The following REC114 variants were observed in gnomAD, a reference collection of about 807,000 sequenced individuals.
The protein encoded by REC114 is meiotic recombination protein REC114.
Under a neutral mutation model 31.3 loss-of-function variants are expected in REC114, and 27 were observed. The ratio of observed to expected loss-of-function variants is 0.86; its 90% CI spans 0.64 to 1.19. REC114 has a LOEUF of 1.19. Ranked by LOEUF, REC114 falls within the 50% of genes most tolerant of loss-of-function variation. The pLI is 0.00. For synonymous variants in REC114, 134 were observed against 127.7 expected, an observed-to-expected ratio of 1.05 and a Z score of -0.33; for missense variants, 344 against 326.9, an observed-to-expected ratio of 1.05 and a Z score of -0.40.
At chr15:73,467,548 A>G (rs1250481214) in intron 1 of REC114, among the ~76,000 whole-genome samples, 2 of 152,254 alleles carry the variant, frequency 1.3e-5, no homozygotes, top group East Asian at 1.9e-4. Context: ...GTTCAAGTTC[A>G]GAGACTTTCT....
intron 2 of REC114, among the ~76,000 whole-genome samples, chr15:73,515,400 T>A (rs1396858855): frequency 6.6e-6 from 1 of 152,068 alleles, no homozygotes; most frequent in Non-Finnish European, 1.5e-5. Flanking sequence ...TTCTTACGGG[T>A]TGCTGCAGTT....
intron 2 of REC114, among the ~76,000 whole-genome samples, chr15:73,532,322 T>G (rs906588746): frequency 2.7e-5 from 4 of 147,790 alleles, no homozygotes; most frequent in African/African-American, 7.6e-5. Context: ...ACTCATCATT[T>G]TTTATGGCTG....
intron 2 of REC114, among the ~76,000 whole-genome samples, chr15:73,537,628 G>A (rs368804258): frequency 2.0e-5 from 3 of 152,194 alleles, no homozygotes; most frequent in African/African-American, 7.2e-5. Context: ...GTACAGTATT[G>A]TTAACTATAA....
intron 1 of REC114, among the ~76,000 whole-genome samples, chr15:73,443,717 A>G (rs77566315): frequency 0.017 from 2,597 of 152,254 alleles, 88 homozygotes; most frequent in African/African-American, 0.058. Flanking sequence ...AGGATATACT[A>G]TTTATCCAAA....
At chr15:73,518,241 C>G (rs2141318671) in intron 2 of REC114, among the ~76,000 whole-genome samples, 1 of 152,278 alleles carries the variant, frequency 6.6e-6, no homozygotes, top group Admixed American at 6.5e-5. Flanking sequence ...TTCTTTTAAA[C>G]AAAGTAAATA....
chr15:73,530,203 C>T (rs1010654763), intron 2 of REC114, among the ~76,000 whole-genome samples: 4 of 152,150 alleles, frequency 2.6e-5, no homozygotes, highest in African/African-American at 9.7e-5. Flanking sequence ...TCTCCAAGCA[C>T]AATATTGTAT....
At chr15:73,447,012 A>G (rs1892773792) in intron 1 of REC114, among the ~76,000 whole-genome samples, 1 of 152,166 alleles carries the variant, frequency 6.6e-6, no homozygotes, top group Non-Finnish European at 1.5e-5. Flanking sequence ...AGATAGGGAT[A>G]TTGGGAATAT....
At chr15:73,474,032 C>A in intron 2 of REC114, 111 bp downstream of exon 2, 1 of 712,540 alleles carries the variant, frequency 1.4e-6, no homozygotes, top group Non-Finnish European at 2.4e-6. Flanking sequence ...TCATCAAGGT[C>A]AACACATTAA....
chr15:73,537,441 C>A (rs538916618), intron 2 of REC114, among the ~76,000 whole-genome samples: 1 of 152,234 alleles, frequency 6.6e-6, no homozygotes, highest in South Asian at 2.1e-4. Flanking sequence ...CTTCTCAGGT[C>A]CTGCTTCTGC....
chr15:73,486,796 G>A (rs1426431827), intron 2 of REC114, among the ~76,000 whole-genome samples: 1 of 152,098 alleles, frequency 6.6e-6, no homozygotes, highest in East Asian at 1.9e-4. Context: ...CAGCACTTTG[G>A]GAGACTGAGG....
intron 2 of REC114, among the ~76,000 whole-genome samples, chr15:73,535,436 G>A (rs1291977700): frequency 2.6e-5 from 4 of 151,932 alleles, no homozygotes; most frequent in African/African-American, 9.7e-5. Context: ...TTGCTTCAAA[G>A]AGAATAAAAT....
At position 73,539,015 on chromosome 15, in the gene REC114, A is replaced by G. The variant is rs532382037; in HGVS notation, c.250-1470A>G. 2.0e-3 allele frequency among the ~76,000 whole-genome samples: 309 copies of G among 152,148 alleles called. 1 individual carries two copies. The highest frequency in any genetic ancestry group is 6.1e-3 in the African/African-American group (252 of 41,512). Reference sequence around the variant, plus strand: ...GATTGCTGGGTCCAAATGTAAATACATTTGTAATTTTGATATTGCCAAATT... The same window carrying G: ...GATTGCTGGGTCCAAATGTAAATACGTTTGTAATTTTGATATTGCCAAATT... On this transcript the variant is annotated intron_variant, in intron 2 of 5. Transcript: ENST00000331090.
At chr15:73,517,263 A>G (rs541984281) in intron 2 of REC114, among the ~76,000 whole-genome samples, 1 of 152,360 alleles carries the variant, frequency 6.6e-6, no homozygotes, top group Non-Finnish European at 1.5e-5. Flanking sequence ...AAGAATTCTA[A>G]GCAAGGGAGT....
intron 3 of REC114, among the ~76,000 whole-genome samples, chr15:73,550,670 G>A (rs1176468567): frequency 1.3e-5 from 2 of 152,108 alleles, no homozygotes; most frequent in Non-Finnish European, 2.9e-5. Context: ...TCAGTATAGT[G>A]ATCTTCCTGT....
intron 2 of REC114, among the ~76,000 whole-genome samples, chr15:73,487,313 T>C (rs1352445875): frequency 2.0e-5 from 3 of 152,104 alleles, no homozygotes; most frequent in Admixed American, 6.5e-5. Context: ...AAGTCCAGAG[T>C]CTCATCTCTA....
chr15:73,516,233 G>A (rs747138093), intron 2 of REC114, among the ~76,000 whole-genome samples: 6 of 151,938 alleles, frequency 3.9e-5, no homozygotes, highest in East Asian at 1.9e-4. Context: ...TGATCTGCCC[G>A]CCTCGGCCTC....
At chr15:73,465,197 C>T (rs1163536496) in intron 1 of REC114, among the ~76,000 whole-genome samples, 1 of 152,074 alleles carries the variant, frequency 6.6e-6, no homozygotes, top group Non-Finnish European at 1.5e-5. Context: ...CTGCCAGATG[C>T]TGGTCTTAAT....
intron 2 of REC114, among the ~76,000 whole-genome samples, chr15:73,531,374 A>C (rs1468895707): frequency 6.6e-6 from 1 of 152,104 alleles, no homozygotes; most frequent in East Asian, 1.9e-4. Flanking sequence ...CTTCCTTTTT[A>C]TCTCTATGGC....
chr15:73,459,298 TG>T (rs1406955127), intron 1 of REC114, among the ~76,000 whole-genome samples: 1 of 151,928 alleles, frequency 6.6e-6, no homozygotes, highest in Non-Finnish European at 1.5e-5. Flanking sequence ...GGTGCAATCT[TG>T]GTTTACCACA....
Sources: allele counts gnomAD v4.1 joint callset (sites outside exome capture counted in the v4.1 genomes callset), GRCh38; gene constraint gnomAD v4.1.1; transcripts MANE v1.5; gene names NCBI Gene and HGNC (gene_info 2026-07-23, HGNC 2026-07-21).